Variants in LSM3 observed in about 807,000 individuals in gnomAD.
LSM3 encodes the protein U6 snRNA-associated Sm-like protein LSm3.
A neutral mutation model predicts 15.4 loss-of-function variants in LSM3; 14 were observed. The ratio of observed to expected loss-of-function variants is 0.91; its 90% CI spans 0.60 to 1.42. The LOEUF (loss-of-function observed/expected upper bound fraction) is 1.42, where lower values mean the gene tolerates loss of function less well. Ranked by LOEUF, LSM3 falls within the 40% of genes most tolerant of loss-of-function variation. The probability of loss-of-function intolerance (pLI) is 0.00; values close to 1 mark genes in which losing one functional copy is unlikely to be tolerated. For missense variants in LSM3, 88 were observed against 127.9 expected (o/e 0.69, Z 1.50); for synonymous variants, 46 against 45.1 (o/e 1.02, Z -0.08).
At chr3:14,194,007 C>A (rs543399406) in intron 3 of LSM3, among the ~76,000 whole-genome samples, 1 of 152,172 alleles carries the variant, frequency 6.6e-6, no homozygotes, top group Non-Finnish European at 1.5e-5. Context: ...GTGTTTGTTT[C>A]TTTCCTTCCA....
In LSM3 at chr3:14,184,040, A is replaced by C. The variant is rs777046156; in HGVS notation, c.228+8A>C. ...TATGAAGAGATATATAAAGTAAGTC[A>C]TGCAATTCTATTCATTGCTTTGCAA... On this transcript the variant is annotated splice_region_variant and intron_variant, in intron 3 of 3. Transcript: ENST00000306024. 1 of 1,600,874 alleles carries C rather than the reference A, an allele frequency of 6.2e-7. No homozygotes were observed. Among genetic ancestry groups the C allele is most frequent in the South Asian group, 1.1e-5 (1 of 88,112 alleles).
At chr3:14,192,699 A>G (rs1019469017) in intron 3 of LSM3, among the ~76,000 whole-genome samples, 11 of 152,186 alleles carry the variant, frequency 7.2e-5, no homozygotes, top group African/African-American at 2.7e-4. Context: ...TCTCCTGAAT[A>G]CAGCACACTG....
intron 3 of LSM3, among the ~76,000 whole-genome samples, chr3:14,188,520 A>G (rs1478137593): frequency 6.6e-6 from 1 of 152,200 alleles, no homozygotes; most frequent in Non-Finnish European, 1.5e-5. Flanking sequence ...TCTGTTCATC[A>G]TCTTTACACC....
rs1696966100 is a variant in LSM3, at chr3:14,178,826, T to C, written c.-35T>C. 6.2e-7 allele frequency: 1 copy of C among 1,613,988 alleles called. No homozygotes were observed. Among genetic ancestry groups the C allele is most frequent in the Admixed American group, 1.7e-5 (1 of 60,008 alleles). On this transcript the variant is annotated 5_prime_UTR_variant, in exon 1 of 4. Coordinates refer to ENST00000306024, the MANE Select transcript of LSM3 (RefSeq NM_014463.3). ...GGAGATTGACGTTGCTCTTGTGTTC[T>C]CGCGAGAGGCGGGAAAGGGCGCAGG...
intron 3 of LSM3, among the ~76,000 whole-genome samples, chr3:14,184,573 C>T (rs575442026): frequency 3.4e-5 from 5 of 148,844 alleles, no homozygotes; most frequent in African/African-American, 5.0e-5. Flanking sequence ...GCTAAAAAAA[C>T]GGTGAAACCC....
intron 3 of LSM3, among the ~76,000 whole-genome samples, chr3:14,192,836 T>A (rs1697153043): frequency 2.0e-5 from 3 of 152,336 alleles, no homozygotes; most frequent in African/African-American, 7.2e-5. Flanking sequence ...TAGCTGGTTG[T>A]TTTGCCCATT....
Position 14,198,357 on chromosome 3 carries a change from G to A in LSM3, c.*241G>A. 2.0e-6 allele frequency: 1 copy of A among 488,656 alleles called. No homozygotes were observed. Among genetic ancestry groups the A allele is most frequent in the East Asian group, 3.3e-5 (1 of 30,442 alleles). The allele number at this position is 488,656 out of a possible 1,614,324, so 30.3% of individuals were successfully genotyped here. A position where few individuals can be genotyped will look rare whatever the true frequency, so the allele number is the denominator to read the frequency against. Reference sequence around the variant, plus strand: ...CCACCAAGATGCAGAACTCTTTCAGGACTTCTTTTGCTCCATTATTCTCAC... The same window carrying A: ...CCACCAAGATGCAGAACTCTTTCAGAACTTCTTTTGCTCCATTATTCTCAC... On this transcript the variant is annotated 3_prime_UTR_variant, in exon 4 of 4. Transcript: ENST00000306024.
In LSM3 at chr3:14,184,565, T is replaced by TA. The variant is rs1307800892; in HGVS notation, c.228+540dup. On this transcript the variant is annotated intron_variant, in intron 3 of 3. Coordinates refer to ENST00000306024, the MANE Select transcript of LSM3 (RefSeq NM_014463.3). ...GTCAGGAGATCGAGACCATCCCGGC[T>TA]AAAAAAACGGTGAAACCCCGTCTCT... is the stretch of plus-strand genomic sequence containing the variant. Among the ~76,000 whole-genome samples, 857 of 147,682 alleles carry TA rather than the reference T, an allele frequency of 5.8e-3. 5 individuals are homozygous for TA. Among genetic ancestry groups the TA allele is most frequent in the African/African-American group, 0.02 (779 of 39,664 alleles).
intron 2 of LSM3, among the ~76,000 whole-genome samples, chr3:14,183,499 C>T (rs1697059091): frequency 1.3e-5 from 2 of 152,154 alleles, no homozygotes; most frequent in African/African-American, 4.8e-5. Flanking sequence ...ATTATCTTAC[C>T]AGTAAACAAA....
chr3:14,181,819 C>A (rs1288100239), intron 2 of LSM3, 149 bp downstream of exon 2: 4 of 548,570 alleles, frequency 7.3e-6, no homozygotes, highest in Non-Finnish European at 1.3e-5. Context: ...AATAAAGCGG[C>A]ATGTATTCAC....
rs544742141 is a variant in LSM3 at position 14,190,248 on chromosome 3, T to G, written c.228+6216T>G. 3.3e-5 allele frequency among the ~76,000 whole-genome samples: 5 copies of G among 152,350 alleles called. No individual in the cohort carries two copies. The South Asian group carries it at 1.0e-3, about 32-fold the overall frequency. On this transcript the variant is annotated intron_variant, in intron 3 of 3. Transcript: ENST00000306024. ...AAGTAGTATGATGCCTCCAGCTTTG[T>G]TCTTGCCCAGGATTGCCTTGGCTAT...
intron 1 of LSM3, among the ~76,000 whole-genome samples, chr3:14,180,861 A>ATTTTT (rs1559390263): frequency 8.9e-6 from 1 of 112,296 alleles, no homozygotes; most frequent in African/African-American, 3.4e-5. Flanking sequence ...TTTTTTTAAA[A>ATTTTT]AAAAAAAAGA....
rs894003497 is a variant in LSM3 at position 14,200,378 on chromosome 3, C to T, written c.*2262C>T. 2 of 152,256 alleles carry T rather than the reference C, an allele frequency of 1.3e-5. No individual in the cohort carries two copies. The highest frequency in any genetic ancestry group is 2.4e-5 in the African/African-American group (1 of 41,464). 9.4% of individuals were successfully genotyped at this position (152,256 alleles called of 1,614,324 possible). On this transcript the variant is annotated 3_prime_UTR_variant, in exon 4 of 4. Coordinates refer to ENST00000306024, the MANE Select transcript of LSM3 (RefSeq NM_014463.3). The stretch of plus-strand genomic sequence containing the variant: ...GCCATGGTCCACACTGAGGTTTCCT[C>T]TGCAGTGGTGCTGTCCACTGAGGGG...
Position 14,198,828 on chromosome 3 carries a change from A to G in LSM3, c.*712A>G, listed in dbSNP as rs1049295216. Reference sequence around the variant, plus strand: ...GCCAAGATCACACCATTGCACTTCAACCTGGTCAACAGAGCGAGACTCCGT... The same window carrying G: ...GCCAAGATCACACCATTGCACTTCAGCCTGGTCAACAGAGCGAGACTCCGT... On this transcript the variant is annotated 3_prime_UTR_variant, in exon 4 of 4. Transcript: ENST00000306024. 1.3e-5 allele frequency: 2 copies of G among 150,686 alleles called. No homozygotes were observed. The highest frequency in any genetic ancestry group is 2.5e-5 in the African/African-American group (1 of 40,796). 9.3% of individuals were successfully genotyped at this position (150,686 alleles called of 1,614,324 possible).
chr3:14,192,709 G>A (rs1697151695), intron 3 of LSM3, among the ~76,000 whole-genome samples: 2 of 152,196 alleles, frequency 1.3e-5, no homozygotes, highest in African/African-American at 4.8e-5. Flanking sequence ...ACAGCACACT[G>A]ATGGGTCTTG....
Position 14,198,360 on chromosome 3 carries a change from T to G in LSM3, c.*244T>G, listed in dbSNP as rs538508171. 2.0e-6 allele frequency: 1 copy of G among 494,818 alleles called. No individual in the cohort carries two copies. The highest frequency in any genetic ancestry group is 3.3e-5 in the East Asian group (1 of 30,734). The allele number at this position is 494,818 out of a possible 1,614,324, so 30.7% of individuals were successfully genotyped here. The stretch of plus-strand genomic sequence containing the variant: ...CCAAGATGCAGAACTCTTTCAGGAC[T>G]TCTTTTGCTCCATTATTCTCACAGA... On this transcript the variant is annotated 3_prime_UTR_variant, in exon 4 of 4. Transcript: ENST00000306024.
chr3:14,196,822 G>T (rs1697191821), intron 3 of LSM3, among the ~76,000 whole-genome samples: 1 of 152,192 alleles, frequency 6.6e-6, no homozygotes, highest in South Asian at 2.1e-4. Flanking sequence ...CAGGCTTATG[G>T]TTTCTTTGGC....
intron 3 of LSM3, among the ~76,000 whole-genome samples, chr3:14,187,292 A>G (rs1425259338): frequency 6.6e-6 from 1 of 152,238 alleles, no homozygotes; most frequent in Non-Finnish European, 1.5e-5. Flanking sequence ...TTGAAAGGCT[A>G]CTGGGGCTGG....
intron 3 of LSM3, among the ~76,000 whole-genome samples, chr3:14,193,497 T>C (rs1697159907): frequency 6.6e-6 from 1 of 152,204 alleles, no homozygotes; most frequent in East Asian, 1.9e-4. Context: ...TTTTCTCTAA[T>C]CTTGTCTTCT....
Sources: gnomAD v4.1 joint callset for allele counts (sites outside exome capture counted in the v4.1 genomes callset) on GRCh38, gnomAD v4.1.1 for gene constraint, MANE v1.5 for transcripts, NCBI Gene and HGNC (gene_info 2026-07-23, HGNC 2026-07-21) for gene names.